The following JARID2 variants were observed in gnomAD, a reference collection of about 807,000 sequenced individuals.
JARID2 encodes the protein jumonji and AT-rich interaction domain containing 2, also known as protein Jumonji.
Under a neutral mutation model 125.6 loss-of-function variants are expected in JARID2, and 21 were observed. The ratio of observed to expected loss-of-function variants is 0.17; its 90% CI spans 0.12 to 0.24. The LOEUF (loss-of-function observed/expected upper bound fraction) is 0.24, where lower values mean the gene tolerates loss of function less well. Among genes scored for constraint, JARID2 ranks in the 10% least tolerant of loss-of-function variants. JARID2 has a pLI of 1.00. For synonymous variants in JARID2, 736 were observed against 661.6 expected (o/e 1.11, Z -1.73); for missense variants, 1,303 against 1,639.6 (o/e 0.79, Z 3.55).
intron 3 of JARID2, among the ~76,000 whole-genome samples, chr6:15,416,360 G>C (rs1221368572): frequency 1.3e-5 from 2 of 152,158 alleles, no homozygotes. Context: ...AGTTTGTAGC[G>C]AGCCGAGATC....
At chr6:15,506,791 C>T (rs1771025314) in intron 9 of JARID2, among the ~76,000 whole-genome samples, 1 of 152,220 alleles carries the variant, frequency 6.6e-6, no homozygotes, top group Non-Finnish European at 1.5e-5. Context: ...TGTGTCAGAA[C>T]TGACATCCTT....
At chr6:15,434,064 C>T (rs1320010928) in intron 3 of JARID2, among the ~76,000 whole-genome samples, 6 of 151,872 alleles carry the variant, frequency 4.0e-5, no homozygotes, top group African/African-American at 1.2e-4. Context: ...ACAGTTTATA[C>T]CCAGTGGGGG....
chr6:15,391,154 T>G (rs1764986107), intron 2 of JARID2, among the ~76,000 whole-genome samples: 1 of 152,024 alleles, frequency 6.6e-6, no homozygotes, highest in Non-Finnish European at 1.5e-5. Context: ...TGCCCCCTTC[T>G]AGGTTCTGAA....
At chr6:15,307,714 TGTACTTCA>T (rs1362553637) in intron 1 of JARID2, among the ~76,000 whole-genome samples, 1 of 152,224 alleles carries the variant, frequency 6.6e-6, no homozygotes, top group African/African-American at 2.4e-5. Context: ...TGTATGTTTC[TGTACTTCA>T]GCTACTAGGT....
chr6:15,426,382 G>A (rs1324455012), intron 3 of JARID2, among the ~76,000 whole-genome samples: 1 of 152,162 alleles, frequency 6.6e-6, no homozygotes, highest in African/African-American at 2.4e-5. Flanking sequence ...TGAGCTGGAG[G>A]CAAGATGGTT....
At chr6:15,487,893 C>G (rs2076055) in intron 6 of JARID2, among the ~76,000 whole-genome samples, 57,784 of 150,574 alleles carry the variant, frequency 0.38, 11,186 homozygotes, top group East Asian at 0.5. Flanking sequence ...AACACACCTG[C>G]AAATGGGATA....
intron 2 of JARID2, among the ~76,000 whole-genome samples, chr6:15,406,497 G>A (rs1250347923): frequency 6.6e-6 from 1 of 152,088 alleles, no homozygotes; most frequent in East Asian, 1.9e-4. Flanking sequence ...TTATGTATGG[G>A]CCCCATTTTA....
At chr6:15,448,362 CTCGCTCCGTTGTCT>C (rs1231047179) in intron 3 of JARID2, among the ~76,000 whole-genome samples, 7 of 152,164 alleles carry the variant, frequency 4.6e-5, no homozygotes, top group Non-Finnish European at 1.0e-4. Flanking sequence ...CTCACAGTGT[CTCGCTCCGTTGTCT>C]GTGCTTCGTC....
intron 1 of JARID2, among the ~76,000 whole-genome samples, chr6:15,320,278 G>C (rs940721034): frequency 2.6e-5 from 4 of 152,222 alleles, no homozygotes; most frequent in African/African-American, 7.2e-5. Flanking sequence ...CACAGGTAAG[G>C]TGTTGGTTAT....
chr6:15,312,939 T>C lies in JARID2; in HGVS notation c.46-61178T>C, dbSNP rs371603065. ...GGACAAAACAAGCAAATATACTGAC[T>C]GACCCAAGCCTTGTTGTTCCGACGA... On this transcript the variant is annotated intron_variant, in intron 1 of 17. Transcript: ENST00000341776. 5.3e-5 allele frequency among the ~76,000 whole-genome samples: 8 copies of C among 152,206 alleles called. No homozygotes were observed. In the East Asian group the frequency reaches 1.5e-3, roughly 29 times the overall value.
In JARID2 at chr6:15,508,416, A is replaced by G; in HGVS notation, c.2808A>G (p.Pro936=). ...GGTCTCGAGACCAAAATCACCTTCC[A>G]TACATTGACTACTTACACACTGGTG... ...SCWSRDQNHL[P]YIDYLHTGAD... is the part of the protein sequence containing the mutation. The change falls in exon 12 of 18, where the codon CCA becomes CCG. Residue 936 remains proline (P), a synonymous_variant. Transcript: ENST00000341776. 2.5e-6 allele frequency: 4 copies of G among 1,608,724 alleles called. No individual in the cohort carries two copies. Among genetic ancestry groups the G allele is most frequent in the Non-Finnish European group, 3.4e-6 (4 of 1,175,024 alleles).
intron 8 of JARID2, among the ~76,000 whole-genome samples, chr6:15,502,509 A>G (rs116611517): frequency 6.6e-6 from 1 of 152,110 alleles, no homozygotes; most frequent in African/African-American, 2.4e-5. Flanking sequence ...ATCACTAAAC[A>G]CCACCATACC....
chr6:15,332,646 G>C (rs1762745660), intron 1 of JARID2, among the ~76,000 whole-genome samples: 1 of 152,164 alleles, frequency 6.6e-6, no homozygotes, highest in Non-Finnish European at 1.5e-5. Context: ...TGTAAGTCCA[G>C]CTGTCCCCCT....
chr6:15,503,044 A>G (rs2127747792), intron 8 of JARID2, among the ~76,000 whole-genome samples: 1 of 152,382 alleles, frequency 6.6e-6, no homozygotes, highest in East Asian at 1.9e-4. Context: ...TGATTCAAAT[A>G]AGAGGTTTGG....
intron 1 of JARID2, among the ~76,000 whole-genome samples, chr6:15,256,316 G>A (rs1329112384): frequency 6.6e-6 from 1 of 152,138 alleles, no homozygotes; most frequent in African/African-American, 2.4e-5. Context: ...AGAAGGTGAT[G>A]TAATCACCTT....
chr6:15,247,871 A>T (rs1339998544), intron 1 of JARID2: 1 of 985,342 alleles, frequency 1.0e-6, no homozygotes, highest in Non-Finnish European at 1.2e-6. Flanking sequence ...AGGGCTGGGT[A>T]GAATGCAAAG....
In JARID2 at chr6:15,281,679, T is replaced by C. The variant is rs959696489; in HGVS notation, c.45+35095T>C. 6.6e-5 allele frequency among the ~76,000 whole-genome samples: 10 copies of C among 152,226 alleles called. No homozygotes were observed. The South Asian group carries it at 1.0e-3, about 16-fold the overall frequency. ...CACGTAACAATATCTCAAAGATCTT[T>C]CCATGCCATTCTATTTCATGCTGCA... On this transcript the variant is annotated intron_variant, in intron 1 of 17. Coordinates refer to ENST00000341776, the MANE Select transcript of JARID2 (RefSeq NM_004973.4).
chr6:15,253,041 G>A lies in JARID2; in HGVS notation c.45+6457G>A, dbSNP rs565986838. On this transcript the variant is annotated intron_variant, in intron 1 of 17. Coordinates refer to ENST00000341776, the MANE Select transcript of JARID2 (RefSeq NM_004973.4). ...ACTTCAGACAATCCTATAACCTTCT[G>A]CCAGCTTCAGGTTTTTTTAATAAGG... is the stretch of plus-strand genomic sequence containing the variant. Among the ~76,000 whole-genome samples the A allele has an allele frequency of 3.2e-4, 49 of 152,050 alleles. No homozygotes were observed. In the South Asian group the frequency reaches 1.0e-2, roughly 31 times the overall value.
chr6:15,472,627 C>T (rs758719492), intron 5 of JARID2, among the ~76,000 whole-genome samples: 11 of 152,166 alleles, frequency 7.2e-5, no homozygotes, highest in Non-Finnish European at 1.6e-4. Flanking sequence ...TGGGGCTGTG[C>T]AGTCTGTTTG....
Sources: allele counts gnomAD v4.1 joint callset (sites outside exome capture counted in the v4.1 genomes callset), GRCh38; gene constraint gnomAD v4.1.1; transcripts MANE v1.5; gene names NCBI Gene and HGNC (gene_info 2026-07-23, HGNC 2026-07-21).